UGDH: variants seen among roughly 807,000 people sequenced by gnomAD.
The protein encoded by UGDH is UDP-glucose 6-dehydrogenase.
Under a neutral mutation model 50.6 loss-of-function variants are expected in UGDH, and 38 were observed. That is an observed-to-expected ratio of 0.75 (90% CI 0.58 to 0.98). The LOEUF (loss-of-function observed/expected upper bound fraction) is 0.98, where lower values mean the gene tolerates loss of function less well. Ranked by LOEUF, UGDH falls within the 50% of genes least tolerant of loss-of-function variation. UGDH has a pLI of 0.00. For synonymous variants in UGDH, 168 were observed against 199.9 expected (o/e 0.84, Z 1.35); for missense variants, 465 against 606.2 (o/e 0.77, Z 2.45).
intron 1 of UGDH, chr4:39,526,453 C>G (rs2279037): frequency 0.14 from 20,845 of 152,076 alleles, 2,920 homozygotes; most frequent in African/African-American, 0.35. Context: ...TTTCCAGAAC[C>G]CCCCTGAAGA....
intron 5 of UGDH, 125 bp downstream of exon 5, chr4:39,510,228 A>G: frequency 1.0e-6 from 1 of 984,796 alleles, no homozygotes; most frequent in Non-Finnish European, 1.5e-6. Context: ...TGAATGTGCA[A>G]GAATATGATC....
chr4:39,527,386 G>A lies in UGDH; in HGVS notation c.-111C>T, dbSNP rs911896104. 7.7e-6 allele frequency: 2 copies of A among 261,398 alleles called. No homozygotes were observed. The highest frequency in any genetic ancestry group is 4.5e-5 in the Admixed American group (1 of 22,402). The allele number at this position is 261,398 out of a possible 1,614,324, so 16.2% of individuals were successfully genotyped here. A position where few individuals can be genotyped will look rare whatever the true frequency, so the allele number is the denominator to read the frequency against. ...CAGCTTCTCCACCCGCGCCCCGCTC[G>A]ATCTGAGCTCCCTCTCGGCGCACGC... On this transcript the variant is annotated 5_prime_UTR_variant, in exon 1 of 12. Coordinates refer to ENST00000316423, the MANE Select transcript of UGDH (RefSeq NM_003359.4).
In UGDH at chr4:39,524,672, C is replaced by A. The variant is rs142901680; in HGVS notation, c.-8+2611G>T. Among the ~76,000 whole-genome samples, 52 of 152,160 alleles carry A rather than the reference C, an allele frequency of 3.4e-4. 1 individual carries two copies. Among genetic ancestry groups the A allele is most frequent in the Admixed American group, 1.8e-3 (28 of 15,280 alleles). Reference sequence around the variant, plus strand: ...TACAGGTGTCCGCCACCATGTCCAGCTAATGTTTGTATTTTTTCTAGAGAC... The same window carrying A: ...TACAGGTGTCCGCCACCATGTCCAGATAATGTTTGTATTTTTTCTAGAGAC... On this transcript the variant is annotated intron_variant, in intron 1 of 11. Transcript: ENST00000316423.
chr4:39,525,855 G>C (rs1055382861), intron 1 of UGDH, among the ~76,000 whole-genome samples: 15 of 152,184 alleles, frequency 9.9e-5, no homozygotes, highest in Non-Finnish European at 1.6e-4. Flanking sequence ...CCTCTATTCT[G>C]CTGTCAGAGA....
chr4:39,502,204 T>C (rs1215892671), intron 11 of UGDH, among the ~76,000 whole-genome samples: 1 of 152,252 alleles, frequency 6.6e-6, no homozygotes, highest in Non-Finnish European at 1.5e-5. Context: ...ATAACATTCC[T>C]GAGTTTAGTC....
At chr4:39,523,917 A>T in intron 1 of UGDH, among the ~76,000 whole-genome samples, 1 of 152,130 alleles carries the variant, frequency 6.6e-6, no homozygotes, top group Non-Finnish European at 1.5e-5. Flanking sequence ...TTCCTTATCT[A>T]CTTTGCTATC....
In UGDH at chr4:39,500,029, AAAAAAAAAC is replaced by A. The variant is rs1263029993; in HGVS notation, c.*105_*113del. On this transcript the variant is annotated 3_prime_UTR_variant, in exon 12 of 12. Coordinates refer to ENST00000316423, the MANE Select transcript of UGDH (RefSeq NM_003359.4). Reference sequence around the variant, plus strand: ...TGGGCAACAGTGAGACTCTGTCTCAAAAAAAAAACAAAAAAAAACACTTGGTTCATTTAC... The same window carrying A: ...TGGGCAACAGTGAGACTCTGTCTCAAAAAAAAAAACACTTGGTTCATTTAC... 17 of 632,880 alleles carry A rather than the reference AAAAAAAAAC, an allele frequency of 2.7e-5. No homozygotes were observed. In the South Asian group the frequency reaches 3.0e-4, roughly 11 times the overall value. The allele number at this position is 632,880 out of a possible 1,614,324, so 39.2% of individuals were successfully genotyped here.
rs113231917 is a variant in UGDH at position 39,512,428 on chromosome 4, G to A, written c.265-1567C>T. 7.2e-3 allele frequency among the ~76,000 whole-genome samples: 1,091 copies of A among 152,242 alleles called. 12 individuals are homozygous for A. The highest frequency in any genetic ancestry group is 0.027 in the Middle Eastern group (8 of 294). The stretch of plus-strand genomic sequence containing the variant: ...GCAAGAGTTACATGTAATGGTGTAC[G>A]GAAAGGCAAAGACAGCTCATGATGT... On this transcript the variant is annotated intron_variant, in intron 3 of 11. Coordinates refer to ENST00000316423, the MANE Select transcript of UGDH (RefSeq NM_003359.4).
At chr4:39,504,026 G>A (rs1560685847) in intron 10 of UGDH, 41 bp from the exon 11 acceptor site, 5 of 1,562,604 alleles carry the variant, frequency 3.2e-6, no homozygotes, top group Admixed American at 1.7e-5. Context: ...ACACATACGT[G>A]GGCCGGGCGG....
At position 39,499,386 on chromosome 4, in the gene UGDH, T is replaced by C. The variant is rs1379697560; in HGVS notation, c.*757A>G. Reference sequence around the variant, plus strand: ...GAACAAAGGAACTTTAACCAGACCATACATGTAAAGGCTGTTTAGCATAGC... The same window carrying C: ...GAACAAAGGAACTTTAACCAGACCACACATGTAAAGGCTGTTTAGCATAGC... On this transcript the variant is annotated 3_prime_UTR_variant, in exon 12 of 12. Transcript: ENST00000316423. The C allele has an allele frequency of 1.3e-5, 2 of 152,308 alleles. No homozygotes were observed. The highest frequency in any genetic ancestry group is 1.5e-5 in the Non-Finnish European group (1 of 68,018). The allele number at this position is 152,308 out of a possible 1,614,324, so 9.4% of individuals were successfully genotyped here.
chr4:39,515,860 T>C (rs1746421726), intron 2 of UGDH, among the ~76,000 whole-genome samples: 1 of 152,050 alleles, frequency 6.6e-6, no homozygotes, highest in African/African-American at 2.4e-5. Context: ...CCACCATACC[T>C]GGCTAATTTT....
intron 6 of UGDH, 60 bp from the exon 7 acceptor site, chr4:39,508,720 G>C: frequency 7.0e-7 from 1 of 1,436,208 alleles, no homozygotes; most frequent in Non-Finnish European, 9.4e-7. Context: ...TCAATCATGT[G>C]ACAAATTTCT....
At chr4:39,505,512 T>C (rs1745991285) in intron 8 of UGDH, 106 bp downstream of exon 8, 2 of 1,122,028 alleles carry the variant, frequency 1.8e-6, no homozygotes, top group Non-Finnish European at 2.3e-6. Flanking sequence ...ATTCTTTATA[T>C]TTTATATATA....
At chr4:39,500,712 A>C (rs1411157821) in intron 11 of UGDH, among the ~76,000 whole-genome samples, 1 of 143,470 alleles carries the variant, frequency 7.0e-6, no homozygotes, top group Non-Finnish European at 1.5e-5. Flanking sequence ...GCTGGAGTGC[A>C]GTGGCCTGAT....
At position 39,510,756 on chromosome 4, in the gene UGDH, T is replaced by C. The variant is rs1333300842; in HGVS notation, c.370A>G (p.Lys124Glu). Residue 124 changes from lysine to glutamate, a missense_variant, in exon 4 of 12, where the codon AAA becomes GAA. Transcript: ENST00000316423. ...RRIVQNSNGY[K>E]IVTEKSTVPV... ...ACTGTGCTTTTCTCAGTCACAATTT[T>C]GTACCCATTTGAGTTTTGCACAATG... 6.2e-7 allele frequency: 1 copy of C among 1,614,252 alleles called. No individual in the cohort carries two copies. The highest frequency in any genetic ancestry group is 1.1e-5 in the South Asian group (1 of 91,088).
rs551788522 is a variant in UGDH, at chr4:39,514,011, T to C, written c.264+72A>G. Reference sequence around the variant, plus strand: ...TGAGGCTTAATACCAATGGATTTACTATTAAAGTATGATGAAACTTTTATA... The same window carrying C: ...TGAGGCTTAATACCAATGGATTTACCATTAAAGTATGATGAAACTTTTATA... On this transcript the variant is annotated intron_variant, in intron 3 of 11. Coordinates refer to ENST00000316423, the MANE Select transcript of UGDH (RefSeq NM_003359.4). The C allele has an allele frequency of 7.2e-6, 7 of 969,694 alleles. No individual in the cohort carries two copies. Among genetic ancestry groups the C allele is most frequent in the East Asian group, 6.5e-5 (1 of 15,342 alleles). 60.1% of individuals were successfully genotyped at this position (969,694 alleles called of 1,614,324 possible). A position where few individuals can be genotyped will look rare whatever the true frequency, so the allele number is the denominator to read the frequency against.
intron 1 of UGDH, among the ~76,000 whole-genome samples, chr4:39,521,743 T>C (rs1746671596): frequency 1.3e-5 from 2 of 152,172 alleles, no homozygotes; most frequent in Non-Finnish European, 2.9e-5. Flanking sequence ...CATATGGAAA[T>C]AATTACAGTA....
In UGDH at chr4:39,510,721, C is replaced by T; in HGVS notation, c.405G>A (p.Arg135=). Reference sequence around the variant, plus strand: ...ATATGCGACGGATACTTTCTGCTGCCCGCACTGGAACTGTGCTTTTCTCAG... The same window carrying T: ...ATATGCGACGGATACTTTCTGCTGCTCGCACTGGAACTGTGCTTTTCTCAG... ...IVTEKSTVPV[R]AAESIRRIFD... Residue 135 remains arginine (R), a synonymous_variant, in exon 4 of 12, where the codon CGG becomes CGA. Transcript: ENST00000316423. 6.2e-7 allele frequency: 1 copy of T among 1,614,154 alleles called. No homozygotes were observed. The highest frequency in any genetic ancestry group is 2.2e-5 in the East Asian group (1 of 44,890).
At chr4:39,506,249 G>T (rs1233754683) in intron 7 of UGDH, among the ~76,000 whole-genome samples, 3 of 76,854 alleles carry the variant, frequency 3.9e-5, no homozygotes, top group Non-Finnish European at 7.8e-5. Context: ...AAAAAAAAAA[G>T]CCATTCTAAA....
Sources: allele counts gnomAD v4.1 joint callset (sites outside exome capture counted in the v4.1 genomes callset), GRCh38; gene constraint gnomAD v4.1.1; transcripts MANE v1.5; gene names NCBI Gene and HGNC (gene_info 2026-07-23, HGNC 2026-07-21).